PTBP2: variants seen among roughly 807,000 people sequenced by gnomAD.
The protein encoded by PTBP2 is polypyrimidine tract-binding protein 2.
A neutral mutation model predicts 61.4 loss-of-function variants in PTBP2; 13 were observed. The observed-to-expected ratio is 0.21, with a 90% CI of 0.14 to 0.34. The LOEUF (loss-of-function observed/expected upper bound fraction) is 0.34. PTBP2 is among the 10% of genes least tolerant of loss of function. The probability of loss-of-function intolerance (pLI) is 1.00; values close to 1 mark genes in which losing one functional copy is unlikely to be tolerated. For synonymous variants in PTBP2, 215 were observed against 218.5 expected (o/e 0.98, Z 0.14); for missense variants, 405 against 642.6 (o/e 0.63, Z 4.00).
At chr1:96,783,897 CTCTT>C (rs1658950726) in intron 7 of PTBP2, among the ~76,000 whole-genome samples, 1 of 152,038 alleles carries the variant, frequency 6.6e-6, no homozygotes, top group African/African-American at 2.4e-5. Context: ...TGTATGAACT[CTCTT>C]TCAGTTTTTA....
intron 3 of PTBP2, among the ~76,000 whole-genome samples, chr1:96,762,425 G>A: frequency 6.7e-6 from 1 of 149,396 alleles, no homozygotes; most frequent in Non-Finnish European, 1.5e-5. Flanking sequence ...CCCGGATGGG[G>A]CAGCTGGCCG....
chr1:96,774,332 C>T (rs938061106), intron 5 of PTBP2, among the ~76,000 whole-genome samples: 45 of 152,246 alleles, frequency 3.0e-4, no homozygotes, highest in Non-Finnish European at 3.1e-4. Flanking sequence ...TGGCTGCTAC[C>T]AGTATAACAC....
At chr1:96,791,724 TTAGA>T (rs1368302384) in intron 8 of PTBP2, among the ~76,000 whole-genome samples, 1 of 152,102 alleles carries the variant, frequency 6.6e-6, no homozygotes, top group Non-Finnish European at 1.5e-5. Flanking sequence ...ATCAAAATGC[TTAGA>T]TAGATGCCTT....
At chr1:96,733,719 C>T (rs1346666544) in intron 2 of PTBP2, among the ~76,000 whole-genome samples, 1 of 152,102 alleles carries the variant, frequency 6.6e-6, no homozygotes, top group East Asian at 1.9e-4. Context: ...ACAGTTGACC[C>T]TTGAACAACA....
At chr1:96,730,659 AT>A (rs566309673) in intron 2 of PTBP2, among the ~76,000 whole-genome samples, 101 of 152,296 alleles carry the variant, frequency 6.6e-4, no homozygotes, top group African/African-American at 2.3e-3. Context: ...TTCTCTGCAG[AT>A]TTGGAGAAAT....
At chr1:96,783,460 G>T (rs575891636) in intron 7 of PTBP2, among the ~76,000 whole-genome samples, 1 of 152,120 alleles carries the variant, frequency 6.6e-6, no homozygotes, top group Admixed American at 6.5e-5. Context: ...TAATTTGGCA[G>T]TCGGACCTCA....
At chr1:96,792,913 TC>T (rs1416990520) in intron 8 of PTBP2, among the ~76,000 whole-genome samples, 4 of 151,988 alleles carry the variant, frequency 2.6e-5, no homozygotes, top group Non-Finnish European at 5.9e-5. Context: ...TTGAAAGCTG[TC>T]CCCCAAGAAA....
Position 96,730,019 on chromosome 1 carries a change from G to A in PTBP2, c.39+6425G>A, listed in dbSNP as rs1204568916. 5.3e-5 allele frequency among the ~76,000 whole-genome samples: 8 copies of A among 152,218 alleles called. 1 individual carries two copies. The highest frequency in any genetic ancestry group is 3.9e-4 in the Admixed American group (6 of 15,286). ...TGGGATTACAGGCGTGAGCCACTGC[G>A]CCCAGCCATGATACTACATTTTTAC... On this transcript the variant is annotated intron_variant, in intron 2 of 13. Transcript: ENST00000674951.
chr1:96,810,896 T>G (rs927751764), intron 11 of PTBP2, among the ~76,000 whole-genome samples: 7 of 152,316 alleles, frequency 4.6e-5, no homozygotes, highest in African/African-American at 1.7e-4. Flanking sequence ...AATTTGCAAG[T>G]ATATGAAATT....
chr1:96,729,599 T>G (rs1300603033), intron 2 of PTBP2, among the ~76,000 whole-genome samples: 1 of 152,202 alleles, frequency 6.6e-6, no homozygotes, highest in African/African-American at 2.4e-5. Flanking sequence ...TTCAACTTAT[T>G]TAATAGATAT....
intron 3 of PTBP2, among the ~76,000 whole-genome samples, chr1:96,767,043 C>T (rs932965042): frequency 3.3e-5 from 5 of 151,996 alleles, no homozygotes; most frequent in Admixed American, 2.6e-4. Flanking sequence ...GTAAATTGCC[C>T]GGCATGTAGT....
intron 3 of PTBP2, among the ~76,000 whole-genome samples, chr1:96,758,019 C>T (rs1263919648): frequency 6.6e-6 from 1 of 151,706 alleles, no homozygotes; most frequent in African/African-American, 2.4e-5. Context: ...AAATCAAGGT[C>T]GAGATAATCA....
intron 7 of PTBP2, 169 bp from the exon 8 acceptor site, chr1:96,784,890 T>C (rs1659054154): frequency 3.8e-6 from 2 of 529,514 alleles, no homozygotes; most frequent in East Asian, 7.1e-5. Flanking sequence ...TGGGGGAAAG[T>C]AATACATGGA....
chr1:96,722,396 C>T (rs1415310129), intron 1 of PTBP2, among the ~76,000 whole-genome samples: 1 of 148,472 alleles, frequency 6.7e-6, no homozygotes, highest in African/African-American at 2.5e-5. Context: ...GGAGAGATGC[C>T]GGTGGCGGGA....
intron 3 of PTBP2, among the ~76,000 whole-genome samples, chr1:96,766,195 T>G (rs935991416): frequency 1.3e-5 from 2 of 152,236 alleles, no homozygotes; most frequent in African/African-American, 4.8e-5. Context: ...AAATTTTATT[T>G]GCTTTGAATC....
chr1:96,787,385 G>A (rs541461), intron 8 of PTBP2, among the ~76,000 whole-genome samples: 5 of 151,984 alleles, frequency 3.3e-5, no homozygotes, highest in South Asian at 4.1e-4. Flanking sequence ...TAAGTTGCTC[G>A]CTTTGCCAAA....
At chr1:96,799,123 G>T (rs1378027330) in intron 8 of PTBP2, among the ~76,000 whole-genome samples, 1 of 152,084 alleles carries the variant, frequency 6.6e-6, no homozygotes. Flanking sequence ...GAACTAACAT[G>T]AGAATTTTAG....
rs138035967 is a variant in PTBP2 at position 96,789,102 on chromosome 1, A to G, written c.904+3848A>G. On this transcript the variant is annotated intron_variant, in intron 8 of 13. Transcript: ENST00000674951. ...TTATTAAGGGGTAGATCACTTTTAG[A>G]AAAATTGCTGGAAGTAATTTTTCAT... Among the ~76,000 whole-genome samples, 598 of 152,168 alleles carry G rather than the reference A, an allele frequency of 3.9e-3. 4 individuals carry two copies. The highest frequency in any genetic ancestry group is 0.013 in the African/African-American group (540 of 41,570).
intron 7 of PTBP2, among the ~76,000 whole-genome samples, chr1:96,778,410 A>T (rs1212081056): frequency 6.6e-6 from 1 of 151,672 alleles, no homozygotes; most frequent in Admixed American, 6.6e-5. Flanking sequence ...TTTTATGAAT[A>T]GGTTTCTAGT....
Sources: allele counts gnomAD v4.1 joint callset (sites outside exome capture counted in the v4.1 genomes callset), GRCh38; gene constraint gnomAD v4.1.1; transcripts MANE v1.5; gene names NCBI Gene and HGNC (gene_info 2026-07-23, HGNC 2026-07-21).